The following PRDM16 variants were observed in gnomAD, a reference collection of about 807,000 sequenced individuals.
PRDM16 encodes histone-lysine N-methyltransferase PRDM16.
Under a neutral mutation model 110.6 loss-of-function variants are expected in PRDM16, and 23 were observed. That is an observed-to-expected ratio of 0.21 (90% CI 0.15 to 0.29). The LOEUF is 0.29. Among genes scored for constraint, PRDM16 ranks in the 10% least tolerant of loss-of-function variants. The pLI, the probability that PRDM16 is intolerant of heterozygous loss-of-function variation, is 1.00. For missense variants in PRDM16, 1,615 were observed against 1,794.3 expected, an observed-to-expected ratio of 0.90 and a Z score of 1.81; for synonymous variants, 799 against 781.8, an observed-to-expected ratio of 1.02 and a Z score of -0.37.
chr1:3,431,028 C>A lies in PRDM16; in HGVS notation c.3441C>A (p.Pro1147=). 1 of 1,570,178 alleles carries A rather than the reference C, an allele frequency of 6.4e-7. No individual in the cohort carries two copies. Among genetic ancestry groups the A allele is most frequent in the East Asian group, 2.4e-5 (1 of 42,148 alleles). Reference sequence around the variant, plus strand: ...AGGATGACACCGTGTCCCCCGCACCCGAGCCCCAGGCCGCCTACGAGGATG... The same window carrying A: ...AGGATGACACCGTGTCCCCCGCACCAGAGCCCCAGGCCGCCTACGAGGATG... The part of the protein sequence containing the change: ...KSQDDTVSPA[P]EPQAAYEDEE... The change falls in exon 15 of 17, where the codon CCC becomes CCA. Residue 1147 remains proline, a synonymous_variant. Coordinates refer to ENST00000270722, the MANE Select transcript of PRDM16 (RefSeq NM_022114.4).
intron 1 of PRDM16, among the ~76,000 whole-genome samples, chr1:3,099,410 C>T (rs1348336958): frequency 6.6e-6 from 1 of 152,268 alleles, no homozygotes; most frequent in African/African-American, 2.4e-5. Context: ...AATAACCAGC[C>T]TCACGGAGGC....
At chr1:3,120,698 C>T (rs1277867089) in intron 1 of PRDM16, among the ~76,000 whole-genome samples, 1 of 152,162 alleles carries the variant, frequency 6.6e-6, no homozygotes, top group African/African-American at 2.4e-5. Context: ...CAGTGAAAGG[C>T]AGGGTGGATA....
chr1:3,109,799 A>G (rs1419227830), intron 1 of PRDM16, among the ~76,000 whole-genome samples: 1 of 152,230 alleles, frequency 6.6e-6, no homozygotes, highest in African/African-American at 2.4e-5. Flanking sequence ...TGAGTGGCCC[A>G]TGGAGAGAAT....
At chr1:3,218,355 G>T (rs1472285423) in intron 2 of PRDM16, among the ~76,000 whole-genome samples, 1 of 152,238 alleles carries the variant, frequency 6.6e-6, no homozygotes, top group Admixed American at 6.5e-5. Context: ...GAAGGGGGGA[G>T]GGCAGTAACC....
In PRDM16 at chr1:3,412,019, A is replaced by G. The variant is rs1330389939; in HGVS notation, c.1822A>G (p.Asn608Asp). Residue 608 changes from asparagine (N) to aspartate (D), a missense_variant, in exon 9 of 17, where the codon AAC becomes GAC. Around this residue, in one of 5 missense-constraint regions of PRDM16, gnomAD observed 772 missense variants for 748.3 expected, o/e 1.03. Coordinates refer to ENST00000270722, the MANE Select transcript of PRDM16 (RefSeq NM_022114.4). ...MSDGSDFEDV[N>D]TTTGTDLDTT... ...GGACGGCAGTGACTTTGAGGACGTC[A>G]ACACCACCACGGGGACCGACCTGGA... 6.2e-7 allele frequency: 1 copy of G among 1,613,550 alleles called. No homozygotes were observed. The highest frequency in any genetic ancestry group is 8.5e-7 in the Non-Finnish European group (1 of 1,179,954).
rs983953395 is a variant in PRDM16 at position 3,131,130 on chromosome 1, A to G, written c.38-54995A>G. 5.3e-5 allele frequency among the ~76,000 whole-genome samples: 8 copies of G among 152,238 alleles called. No homozygotes were observed. The South Asian group carries it at 1.7e-3, about 32-fold the overall frequency. On this transcript the variant is annotated intron_variant, in intron 1 of 16. Coordinates refer to ENST00000270722, the MANE Select transcript of PRDM16 (RefSeq NM_022114.4). Reference sequence around the variant, plus strand: ...GCTTCCTCCGAGCTGTGCCGCAGCCACAGTTTTTGGTTGTTTTCGTTTTTT... The same window carrying G: ...GCTTCCTCCGAGCTGTGCCGCAGCCGCAGTTTTTGGTTGTTTTCGTTTTTT...
intron 3 of PRDM16, among the ~76,000 whole-genome samples, chr1:3,267,480 T>A (rs543323852): frequency 1.4e-4 from 22 of 152,290 alleles, no homozygotes; most frequent in Non-Finnish European, 2.6e-4. Flanking sequence ...TCTGGGTACG[T>A]GTGTACAAGG....
chr1:3,373,791 A>G (rs938616364), intron 3 of PRDM16, among the ~76,000 whole-genome samples: 6 of 152,240 alleles, frequency 3.9e-5, no homozygotes, highest in Non-Finnish European at 2.9e-5. Context: ...GAAGGAGCCC[A>G]GCCAACGCGT....
chr1:3,241,742 C>T (rs1639679580), intron 2 of PRDM16, among the ~76,000 whole-genome samples: 2 of 152,178 alleles, frequency 1.3e-5, no homozygotes, highest in South Asian at 4.1e-4. Context: ...GCTCGGAGGG[C>T]AGGGAGACAG....
At chr1:3,174,786 G>A (rs1644066879) in intron 1 of PRDM16, among the ~76,000 whole-genome samples, 1 of 152,176 alleles carries the variant, frequency 6.6e-6, no homozygotes, top group African/African-American at 2.4e-5. Flanking sequence ...GGGCCCTAAT[G>A]ACAATTCGGC....
At chr1:3,357,549 AAG>A (rs1642631851) in intron 3 of PRDM16, among the ~76,000 whole-genome samples, 1 of 151,720 alleles carries the variant, frequency 6.6e-6, no homozygotes, top group African/African-American at 2.4e-5. Context: ...TTGATCCAGG[AAG>A]CGCCGTTCCC....
At chr1:3,312,539 A>C (rs1344987390) in intron 3 of PRDM16, among the ~76,000 whole-genome samples, 3 of 152,194 alleles carry the variant, frequency 2.0e-5, no homozygotes, top group South Asian at 2.1e-4. Flanking sequence ...GGGATACATC[A>C]GGAGCCCATC....
At chr1:3,375,308 A>T (rs1179353473) in intron 3 of PRDM16, among the ~76,000 whole-genome samples, 1 of 152,188 alleles carries the variant, frequency 6.6e-6, no homozygotes, top group Admixed American at 6.5e-5. Flanking sequence ...CAAGGTTTCG[A>T]CAGACCCTGC....
chr1:3,223,505 T>A (rs1639221587), intron 2 of PRDM16, among the ~76,000 whole-genome samples: 1 of 152,128 alleles, frequency 6.6e-6, no homozygotes, highest in Admixed American at 6.5e-5. Flanking sequence ...TTTCTCTTAA[T>A]CGTGGCAAGA....
At chr1:3,164,354 A>G (rs1249629683) in intron 1 of PRDM16, among the ~76,000 whole-genome samples, 2 of 152,236 alleles carry the variant, frequency 1.3e-5, no homozygotes, top group Non-Finnish European at 2.9e-5. Flanking sequence ...ATTTTTAGAA[A>G]CATGATGGAT....
At chr1:3,362,648 A>G (rs1224796333) in intron 3 of PRDM16, among the ~76,000 whole-genome samples, 5 of 152,150 alleles carry the variant, frequency 3.3e-5, no homozygotes, top group Non-Finnish European at 5.9e-5. Context: ...AGGAGTCATC[A>G]GAACTCTCTG....
rs145088305 is a variant in PRDM16, at chr1:3,234,084, T to C, written c.388-10003T>C. The stretch of plus-strand genomic sequence containing the variant: ...TGGATGTGACTTTCGGGGTTTGCGA[T>C]TGGGTCGGTCCCGGTGTCCTGGGAG... On this transcript the variant is annotated intron_variant, in intron 2 of 16. Coordinates refer to ENST00000270722, the MANE Select transcript of PRDM16 (RefSeq NM_022114.4). Among the ~76,000 whole-genome samples the C allele has an allele frequency of 2.1e-3, 312 of 152,174 alleles. 2 individuals carry two copies. The highest frequency in any genetic ancestry group is 3.4e-3 in the Non-Finnish European group (231 of 67,996).
Position 3,300,764 on chromosome 1 carries a change from G to A in PRDM16, c.438+56627G>A, listed in dbSNP as rs77121415. Reference sequence around the variant, plus strand: ...TACCATCCCCCCGAACCCCATTTATGTGTGTGAAGTCAGTTACTCTACCCA... The same window carrying A: ...TACCATCCCCCCGAACCCCATTTATATGTGTGAAGTCAGTTACTCTACCCA... On this transcript the variant is annotated intron_variant, in intron 3 of 16. Transcript: ENST00000270722. Among the ~76,000 whole-genome samples, 809 of 152,210 alleles carry A rather than the reference G, an allele frequency of 5.3e-3. 11 individuals are homozygous for A. The highest frequency in any genetic ancestry group is 0.018 in the African/African-American group (758 of 41,528).
intron 3 of PRDM16, among the ~76,000 whole-genome samples, chr1:3,247,887 C>T (rs965866655): frequency 6.6e-6 from 1 of 152,252 alleles, no homozygotes; most frequent in Non-Finnish European, 1.5e-5. Flanking sequence ...AGCGGACTCT[C>T]TATTTAGTCT....
Sources: allele counts gnomAD v4.1 joint callset (sites outside exome capture counted in the v4.1 genomes callset), GRCh38; gene constraint gnomAD v4.1.1; regional missense constraint gnomAD v4.1.1; transcripts MANE v1.5; gene names NCBI Gene and HGNC (gene_info 2026-07-23, HGNC 2026-07-21).